PDE3B: variants seen among roughly 807,000 people sequenced by gnomAD.
PDE3B encodes cGMP-inhibited 3',5'-cyclic phosphodiesterase 3B.
Under a neutral mutation model 116.8 loss-of-function variants are expected in PDE3B, and 66 were observed. That is an observed-to-expected ratio of 0.56 (90% confidence interval 0.46 to 0.69). The LOEUF (loss-of-function observed/expected upper bound fraction) is 0.69, where lower values mean the gene tolerates loss of function less well. PDE3B is among the 30% of genes least tolerant of loss of function. PDE3B has a pLI of 0.00. For synonymous variants in PDE3B, 595 were observed against 533.6 expected (o/e 1.12, Z -1.59); for missense variants, 1,384 against 1,368.1 (o/e 1.01, Z -0.18).
At chr11:14,797,951 GA>G (rs918181087) in intron 4 of PDE3B, among the ~76,000 whole-genome samples, 3 of 152,132 alleles carry the variant, frequency 2.0e-5, no homozygotes, top group African/African-American at 7.2e-5. Context: ...GCCCTGACCA[GA>G]ACTTCCACTA....
chr11:14,841,337 CTCTCTCTCTCTA>C, intron 11 of PDE3B, among the ~76,000 whole-genome samples: 1 of 145,078 alleles, frequency 6.9e-6, no homozygotes, highest in Non-Finnish European at 1.5e-5. Context: ...CTCTCCCTCT[CTCTCTCTCTCTA>C]TATATATATA....
intron 1 of PDE3B, among the ~76,000 whole-genome samples, chr11:14,744,745 A>G (rs1341521099): frequency 2.6e-5 from 4 of 152,222 alleles, no homozygotes; most frequent in African/African-American, 7.2e-5. Context: ...CTAATAAAAG[A>G]GAAGAACTTT....
chr11:14,831,285 T>C (rs892176103), intron 8 of PDE3B, among the ~76,000 whole-genome samples: 1 of 151,708 alleles, frequency 6.6e-6, no homozygotes. Flanking sequence ...TGGTAATAAA[T>C]GCCAATATAA....
chr11:14,740,046 A>T (rs1856718136), intron 1 of PDE3B, among the ~76,000 whole-genome samples: 1 of 151,984 alleles, frequency 6.6e-6, no homozygotes, highest in East Asian at 1.9e-4. Context: ...TTCATTAGGT[A>T]TATTGGCCAA....
At chr11:14,650,702 G>A (rs1454384829) in intron 1 of PDE3B, among the ~76,000 whole-genome samples, 1 of 152,086 alleles carries the variant, frequency 6.6e-6, no homozygotes, top group African/African-American at 2.4e-5. Flanking sequence ...TGAGGCCGGA[G>A]AATGGCTTGA....
chr11:14,735,840 A>G (rs1259910612), intron 1 of PDE3B, among the ~76,000 whole-genome samples: 6 of 152,112 alleles, frequency 3.9e-5, no homozygotes, highest in Non-Finnish European at 8.8e-5. Flanking sequence ...ACTGATCAAA[A>G]TCCTTGATTG....
At chr11:14,818,442 G>A in intron 6 of PDE3B, 49 bp downstream of exon 6, 2 of 1,270,752 alleles carry the variant, frequency 1.6e-6, no homozygotes, top group Non-Finnish European at 2.3e-6. Flanking sequence ...GTTGATTACA[G>A]TTAAGTCCTC....
At chr11:14,846,791 T>C (rs938960237) in intron 12 of PDE3B, among the ~76,000 whole-genome samples, 2 of 152,126 alleles carry the variant, frequency 1.3e-5, no homozygotes, top group East Asian at 3.9e-4. Context: ...AAGAGCTAAC[T>C]ATCCTAAATA....
intron 5 of PDE3B, among the ~76,000 whole-genome samples, chr11:14,811,245 T>C (rs1306626166): frequency 2.0e-5 from 3 of 152,134 alleles, no homozygotes; most frequent in African/African-American, 4.8e-5. Flanking sequence ...TCCTTGCCCA[T>C]GCCTATGTCC....
At chr11:14,894,769 C>T in the PDE3B span, among the ~76,000 whole-genome samples, 1 of 152,194 alleles carries the variant, frequency 6.6e-6, no homozygotes, top group African/African-American at 2.4e-5. Flanking sequence ...CATGTTCCCT[C>T]AGCTCAATAA....
intron 12 of PDE3B, among the ~76,000 whole-genome samples, chr11:14,849,797 C>T (rs1040358835): frequency 1.3e-5 from 2 of 152,096 alleles, no homozygotes; most frequent in Non-Finnish European, 2.9e-5. Flanking sequence ...GATACCATCT[C>T]ACACCAGTTA....
At chr11:14,771,370 G>A (rs1857638304) in intron 1 of PDE3B, among the ~76,000 whole-genome samples, 1 of 151,690 alleles carries the variant, frequency 6.6e-6, no homozygotes, top group African/African-American at 2.4e-5. Context: ...AAACTAGTCT[G>A]GGACTAAAGT....
chr11:14,676,276 T>C (rs1439085519), intron 1 of PDE3B, among the ~76,000 whole-genome samples: 3 of 152,162 alleles, frequency 2.0e-5, no homozygotes, highest in Non-Finnish European at 4.4e-5. Context: ...GATTTCGTCA[T>C]TGTGCAAACA....
Position 14,853,457 on chromosome 11 carries a change from C to T in PDE3B, c.2521-5586C>T, listed in dbSNP as rs552571273. ...ACTCCTAGGTTTTCTGAAAAATGTTCTGTGCTTCCCAAAGTAACGAAGTTT... is the reference window on the plus strand; with the variant it reads ...ACTCCTAGGTTTTCTGAAAAATGTTTTGTGCTTCCCAAAGTAACGAAGTTT... On this transcript the variant is annotated intron_variant, in intron 12 of 15. Transcript: ENST00000282096. Among the ~76,000 whole-genome samples, 19 of 152,238 alleles carry T rather than the reference C, an allele frequency of 1.2e-4. No individual in the cohort carries two copies. In the South Asian group the frequency reaches 3.5e-3, roughly 28 times the overall value.
chr11:14,662,455 G>A (rs1378004198), intron 1 of PDE3B, among the ~76,000 whole-genome samples: 13 of 152,224 alleles, frequency 8.5e-5, no homozygotes, highest in Admixed American at 3.3e-4. Flanking sequence ...AAAGCTGGAC[G>A]GAGAATGACT....
chr11:14,849,165 C>T (rs987343486), intron 12 of PDE3B, among the ~76,000 whole-genome samples: 1 of 152,108 alleles, frequency 6.6e-6, no homozygotes, highest in South Asian at 2.1e-4. Flanking sequence ...CAGAACAGAG[C>T]CCTCAGAAAT....
At chr11:14,712,841 T>G (rs544028284) in intron 1 of PDE3B, among the ~76,000 whole-genome samples, 2 of 152,342 alleles carry the variant, frequency 1.3e-5, no homozygotes, top group East Asian at 1.9e-4. Flanking sequence ...TGCAAGCAAT[T>G]GTATAGGAGA....
chr11:14,824,379 C>G (rs1859621555), intron 7 of PDE3B, among the ~76,000 whole-genome samples: 1 of 152,004 alleles, frequency 6.6e-6, no homozygotes, highest in Non-Finnish European at 1.5e-5. Flanking sequence ...CCCAGTTCAA[C>G]AAAACTAAGA....
intron 1 of PDE3B, among the ~76,000 whole-genome samples, chr11:14,681,573 G>A (rs879517055): frequency 2.0e-5 from 3 of 152,112 alleles, no homozygotes; most frequent in Admixed American, 6.5e-5. Context: ...TATTAGCAGC[G>A]TGAGAACAGA....
Sources: allele counts gnomAD v4.1 joint callset (sites outside exome capture counted in the v4.1 genomes callset), GRCh38; gene constraint gnomAD v4.1.1; transcripts MANE v1.5; gene names NCBI Gene and HGNC (gene_info 2026-07-23, HGNC 2026-07-21).